Variants in SCFD2 observed in about 807,000 individuals in gnomAD.
The protein encoded by SCFD2 is sec1 family domain-containing protein 2.
SCFD2 carries 54 observed loss-of-function variants against 58.9 expected under a neutral mutation model. The observed-to-expected ratio is 0.92, with a 90% CI of 0.74 to 1.15. The LOEUF is 1.15. SCFD2 is among the 50% of genes most tolerant of loss of function. The pLI, the probability that SCFD2 is intolerant of heterozygous loss-of-function variation, is 0.00. For missense variants in SCFD2, 805 were observed against 836.6 expected (o/e 0.96, Z 0.47); for synonymous variants, 321 against 335.9 (o/e 0.96, Z 0.49).
chr4:53,012,718 C>T (rs141897875), intron 5 of SCFD2, among the ~76,000 whole-genome samples: 8 of 151,766 alleles, frequency 5.3e-5, no homozygotes, highest in Admixed American at 3.3e-4. Flanking sequence ...TCTAGCCAGT[C>T]GGCAAAAAAG....
intron 5 of SCFD2, among the ~76,000 whole-genome samples, chr4:53,138,930 G>T (rs1363805374): frequency 6.7e-6 from 1 of 149,242 alleles, no homozygotes; most frequent in Non-Finnish European, 1.5e-5. Context: ...AGCCGAGGCT[G>T]GACTGTACTG....
intron 5 of SCFD2, among the ~76,000 whole-genome samples, chr4:52,987,129 C>T (rs897227985): frequency 2.6e-5 from 4 of 152,104 alleles, no homozygotes; most frequent in Non-Finnish European, 4.4e-5. Context: ...CCCAGGTTCA[C>T]GCCATTCTCC....
chr4:52,974,003 A>T (rs2109555846), intron 5 of SCFD2, among the ~76,000 whole-genome samples: 1 of 152,370 alleles, frequency 6.6e-6, no homozygotes, highest in African/African-American at 2.4e-5. Flanking sequence ...TAAATTAGGT[A>T]TTGATGGGAC....
At chr4:52,942,131 G>A (rs1720309208) in intron 5 of SCFD2, among the ~76,000 whole-genome samples, 1 of 152,202 alleles carries the variant, frequency 6.6e-6, no homozygotes, top group Non-Finnish European at 1.5e-5. Context: ...TGTGTGGTAG[G>A]ATTGGAGTAT....
At chr4:53,318,592 T>C (rs1397551879) in intron 2 of SCFD2, among the ~76,000 whole-genome samples, 1 of 152,144 alleles carries the variant, frequency 6.6e-6, no homozygotes, top group African/African-American at 2.4e-5. Flanking sequence ...AAATCAAAAC[T>C]CTGATTGGAC....
chr4:53,251,314 A>G (rs367783354), intron 4 of SCFD2, among the ~76,000 whole-genome samples: 1 of 152,050 alleles, frequency 6.6e-6, no homozygotes, highest in Non-Finnish European at 1.5e-5. Context: ...ACAAGGAGGA[A>G]CTGGTACCAT....
intron 4 of SCFD2, among the ~76,000 whole-genome samples, chr4:53,171,447 T>C (rs1206902813): frequency 6.6e-6 from 1 of 152,228 alleles, no homozygotes; most frequent in Non-Finnish European, 1.5e-5. Flanking sequence ...TGATTGTGTC[T>C]GTGTTCAACA....
At chr4:53,213,013 T>C (rs1485608195) in intron 4 of SCFD2, among the ~76,000 whole-genome samples, 1 of 152,136 alleles carries the variant, frequency 6.6e-6, no homozygotes, top group Non-Finnish European at 1.5e-5. Context: ...AAGGCTGTTC[T>C]AGATGTTAAA....
At chr4:52,964,547 A>G (rs1260591170) in intron 5 of SCFD2, among the ~76,000 whole-genome samples, 1 of 152,216 alleles carries the variant, frequency 6.6e-6, no homozygotes, top group Non-Finnish European at 1.5e-5. Context: ...TAGGAGTTGC[A>G]GGCTAAGTGT....
intron 2 of SCFD2, among the ~76,000 whole-genome samples, chr4:53,335,249 T>A (rs1455898606): frequency 2.1e-5 from 3 of 142,882 alleles, no homozygotes; most frequent in East Asian, 2.1e-4. Context: ...AACCCCAGCA[T>A]CACTTCTGTG....
chr4:52,883,559 T>C (rs1304768592), intron 8 of SCFD2, among the ~76,000 whole-genome samples: 1 of 152,224 alleles, frequency 6.6e-6, no homozygotes, highest in Non-Finnish European at 1.5e-5. Flanking sequence ...TCCGGGGCTC[T>C]GTTGTCAAAC....
chr4:53,324,746 T>C (rs1733133188), intron 2 of SCFD2, among the ~76,000 whole-genome samples: 1 of 152,078 alleles, frequency 6.6e-6, no homozygotes, highest in African/African-American at 2.4e-5. Context: ...CAGGGGAATA[T>C]TGGCTGGGAG....
At chr4:53,096,479 C>T (rs1724638823) in intron 5 of SCFD2, among the ~76,000 whole-genome samples, 1 of 152,182 alleles carries the variant, frequency 6.6e-6, no homozygotes, top group South Asian at 2.1e-4. Flanking sequence ...TGATGATGAG[C>T]ATTTGTTCAT....
intron 4 of SCFD2, among the ~76,000 whole-genome samples, chr4:53,258,387 A>G (rs1312743974): frequency 1.3e-5 from 2 of 151,870 alleles, no homozygotes; most frequent in African/African-American, 4.8e-5. Flanking sequence ...TTCATAGCCT[A>G]GTTCCCACTT....
At chr4:53,265,289 GT>G in intron 4 of SCFD2, among the ~76,000 whole-genome samples, 1 of 151,976 alleles carries the variant, frequency 6.6e-6, no homozygotes, top group Non-Finnish European at 1.5e-5. Context: ...CTTTTCTGGG[GT>G]TTCAAAGTTT....
Position 53,145,388 on chromosome 4 carries a change from C to T in SCFD2, c.1506G>A (p.Leu502=). 1.2e-6 allele frequency: 2 copies of T among 1,614,120 alleles called. No individual in the cohort carries two copies. Among genetic ancestry groups the T allele is most frequent in the Non-Finnish European group, 8.5e-7 (1 of 1,180,002 alleles). Reference sequence around the variant, plus strand: ...CAGATTCCTCACAGAAGACCTGAGCCAATGCTTTCTTGACTTTTTCTTCTG... The same window carrying T: ...CAGATTCCTCACAGAAGACCTGAGCTAATGCTTTCTTGACTTTTTCTTCTG... ...CEAEEKVKKA[L]AQVFCEESGL... The change falls in exon 5 of 9, where the codon TTG becomes TTA. Residue 502 remains leucine (L), a synonymous_variant. Coordinates refer to ENST00000401642, the MANE Select transcript of SCFD2 (RefSeq NM_152540.4).
At chr4:53,201,998 T>C (rs1428146917) in intron 4 of SCFD2, among the ~76,000 whole-genome samples, 1 of 152,202 alleles carries the variant, frequency 6.6e-6, no homozygotes, top group African/African-American at 2.4e-5. Context: ...TGATGGTAGT[T>C]TCTTCTGCTG....
chr4:53,190,754 A>G (rs1727869800), intron 4 of SCFD2, among the ~76,000 whole-genome samples: 1 of 152,238 alleles, frequency 6.6e-6, no homozygotes, highest in African/African-American at 2.4e-5. Context: ...ACGAAGAAAT[A>G]TAACACAAGA....
chr4:53,176,499 A>C (rs1003039581), intron 4 of SCFD2, among the ~76,000 whole-genome samples: 2 of 152,184 alleles, frequency 1.3e-5, no homozygotes, highest in Non-Finnish European at 2.9e-5. Context: ...CCACACCCTA[A>C]ATTGCCTTTG....
Sources: gnomAD v4.1 joint callset for allele counts (sites outside exome capture counted in the v4.1 genomes callset) on GRCh38, gnomAD v4.1.1 for gene constraint, MANE v1.5 for transcripts, NCBI Gene and HGNC (gene_info 2026-07-23, HGNC 2026-07-21) for gene names.